Variants in POLR3B observed in about 807,000 individuals in gnomAD.
POLR3B encodes DNA-directed RNA polymerase III subunit RPC2.
Under a neutral mutation model 147.4 loss-of-function variants are expected in POLR3B, and 96 were observed. That is an observed-to-expected ratio of 0.65 (90% confidence interval 0.55 to 0.77). The LOEUF (loss-of-function observed/expected upper bound fraction) is 0.77, where lower values mean the gene tolerates loss of function less well. POLR3B is among the 30% of genes least tolerant of loss of function. The probability of loss-of-function intolerance (pLI) is 0.00; values close to 1 mark genes in which losing one functional copy is unlikely to be tolerated. For missense variants in POLR3B, 1,036 were observed against 1,413.5 expected, an observed-to-expected ratio of 0.73 and a Z score of 4.28; for synonymous variants, 461 against 485.9, an observed-to-expected ratio of 0.95 and a Z score of 0.67.
chr12:106,429,139 C>A (rs1328422179), intron 13 of POLR3B, among the ~76,000 whole-genome samples: 2 of 152,146 alleles, frequency 1.3e-5, no homozygotes, highest in African/African-American at 2.4e-5. Context: ...GAATTGTGAG[C>A]AAATCTTATT....
intron 6 of POLR3B, among the ~76,000 whole-genome samples, chr12:106,372,341 T>G (rs1302841794): frequency 2.0e-5 from 3 of 147,836 alleles, no homozygotes; most frequent in Admixed American, 6.8e-5. Flanking sequence ...GTGTTTTTTT[T>G]TTTTTTTTTT....
chr12:106,477,742 C>T (rs1452306461), intron 23 of POLR3B, among the ~76,000 whole-genome samples: 3 of 152,084 alleles, frequency 2.0e-5, no homozygotes, highest in Admixed American at 6.5e-5. Context: ...TACGCGCACC[C>T]ACTGGCCTGC....
chr12:106,486,999 C>T (rs2038350144), intron 23 of POLR3B, among the ~76,000 whole-genome samples: 1 of 152,216 alleles, frequency 6.6e-6, no homozygotes, highest in Non-Finnish European at 1.5e-5. Context: ...AGTTAGTGCA[C>T]TTGGAACCTT....
intron 20 of POLR3B, among the ~76,000 whole-genome samples, chr12:106,455,564 C>A (rs1435818578): frequency 3.9e-5 from 6 of 152,166 alleles, no homozygotes; most frequent in Non-Finnish European, 8.8e-5. Context: ...ACTCTGCAAC[C>A]CAATTCAGTG....
At chr12:106,402,067 C>T (rs1427814893) in intron 10 of POLR3B, among the ~76,000 whole-genome samples, 15 of 151,634 alleles carry the variant, frequency 9.9e-5, no homozygotes, top group Non-Finnish European at 1.5e-4. Context: ...AAAACCCCAT[C>T]GTCTCAGCCC....
intron 10 of POLR3B, among the ~76,000 whole-genome samples, 157 bp downstream of exon 10, chr12:106,393,310 G>T (rs748778633): frequency 1.3e-5 from 2 of 152,110 alleles, no homozygotes; most frequent in South Asian, 2.1e-4. Flanking sequence ...ACTCACTTTC[G>T]TCAGGTTTGG....
At chr12:106,509,179 C>T (rs1290537610) in intron 27 of POLR3B, among the ~76,000 whole-genome samples, 1 of 152,172 alleles carries the variant, frequency 6.6e-6, no homozygotes, top group Non-Finnish European at 1.5e-5. Context: ...ACTGACTCAA[C>T]TTGCATGCTT....
chr12:106,400,821 A>G (rs2037053993), intron 10 of POLR3B, among the ~76,000 whole-genome samples: 1 of 152,228 alleles, frequency 6.6e-6, no homozygotes, highest in Non-Finnish European at 1.5e-5. Flanking sequence ...GACACATTCA[A>G]AGCAGTGTGT....
rs1232175292 is a variant in POLR3B, at chr12:106,433,884, G to A, written c.1781+12G>A. 6.2e-7 allele frequency: 1 copy of A among 1,607,352 alleles called. No homozygotes were observed. Among genetic ancestry groups the A allele is most frequent in the East Asian group, 2.2e-5 (1 of 44,762 alleles). On this transcript the variant is annotated intron_variant, in intron 16 of 27. Transcript: ENST00000228347. ...GGAAGGCTATGCAGGTATATATGCAGGTTACTAAAAAGAGTTTTTAAGAAT... is the reference window on the plus strand; with the variant it reads ...GGAAGGCTATGCAGGTATATATGCAAGTTACTAAAAAGAGTTTTTAAGAAT...
chr12:106,428,410 A>G (rs1004732226), intron 13 of POLR3B, among the ~76,000 whole-genome samples: 6 of 152,218 alleles, frequency 3.9e-5, no homozygotes, highest in Admixed American at 2.0e-4. Context: ...TAGGCAACAG[A>G]AAAAGATCAA....
chr12:106,498,272 C>T (rs2038529466), intron 25 of POLR3B, among the ~76,000 whole-genome samples: 1 of 152,084 alleles, frequency 6.6e-6, no homozygotes, highest in South Asian at 2.1e-4. Flanking sequence ...AGGAAGAGGC[C>T]AGCCTGGCTG....
intron 9 of POLR3B, among the ~76,000 whole-genome samples, chr12:106,389,874 C>T (rs530533388): frequency 6.6e-5 from 10 of 152,244 alleles, no homozygotes; most frequent in Non-Finnish European, 1.2e-4. Flanking sequence ...GCCTCTGCAC[C>T]CCGGTCTGGG....
chr12:106,502,601 C>T (rs922934116), intron 26 of POLR3B, among the ~76,000 whole-genome samples: 12 of 152,052 alleles, frequency 7.9e-5, no homozygotes, highest in Admixed American at 6.5e-4. Flanking sequence ...TGAGGCAGCT[C>T]ATGCTTGGGG....
At chr12:106,445,901 T>G (rs913718280) in intron 19 of POLR3B, among the ~76,000 whole-genome samples, 1 of 152,190 alleles carries the variant, frequency 6.6e-6, no homozygotes, top group Non-Finnish European at 1.5e-5. Flanking sequence ...AGAGAGTAGA[T>G]ATATTTCTTT....
intron 9 of POLR3B, 146 bp from the exon 10 acceptor site, chr12:106,392,885 T>C: frequency 1.1e-6 from 1 of 924,218 alleles, no homozygotes; most frequent in South Asian, 1.7e-5. Flanking sequence ...TGGGCAAGGC[T>C]GCCAATGCCA....
intron 9 of POLR3B, among the ~76,000 whole-genome samples, chr12:106,390,515 A>G (rs1308868838): frequency 2.0e-5 from 3 of 152,064 alleles, no homozygotes; most frequent in Admixed American, 2.0e-4. Flanking sequence ...TAGAACTGGT[A>G]ATTTTTTTTA....
chr12:106,424,580 C>T (rs2136951208), intron 12 of POLR3B, among the ~76,000 whole-genome samples: 1 of 152,154 alleles, frequency 6.6e-6, no homozygotes, highest in South Asian at 2.1e-4. Flanking sequence ...TACCCTGAAA[C>T]ATAATTTCCA....
intron 23 of POLR3B, among the ~76,000 whole-genome samples, chr12:106,466,224 A>C (rs2038004182): frequency 6.6e-6 from 1 of 152,010 alleles, no homozygotes; most frequent in African/African-American, 2.4e-5. Flanking sequence ...ATTTTTTCAT[A>C]TGTCTGTTGG....
chr12:106,444,021 C>T (rs1209501761), intron 18 of POLR3B, among the ~76,000 whole-genome samples: 2 of 151,674 alleles, frequency 1.3e-5, no homozygotes, highest in Non-Finnish European at 2.9e-5. Flanking sequence ...CAGGGTTTCA[C>T]CATGTTGGCC....
Sources: allele counts gnomAD v4.1 joint callset (sites outside exome capture counted in the v4.1 genomes callset), GRCh38; gene constraint gnomAD v4.1.1; transcripts MANE v1.5; gene names NCBI Gene and HGNC (gene_info 2026-07-23, HGNC 2026-07-21).